Variants in NRXN1 observed in about 807,000 individuals in gnomAD.
NRXN1 encodes neurexin-1.
Under a neutral mutation model 150.9 loss-of-function variants are expected in NRXN1, and 39 were observed. The observed-to-expected ratio is 0.26, with a 90% confidence interval of 0.20 to 0.34. The LOEUF is 0.34. NRXN1 is among the 10% of genes least tolerant of loss of function. The pLI is 1.00. For missense variants in NRXN1, 1,815 were observed against 1,949.9 expected (o/e 0.93, Z 1.30); for synonymous variants, 924 against 757.0 (o/e 1.22, Z -3.62).
rs201774624 is a variant in NRXN1, at chr2:51,028,984, G to C, written c.-711C>G. The C allele has an allele frequency of 1.3e-5, 2 of 152,224 alleles. No homozygotes were observed. Among genetic ancestry groups the C allele is most frequent in the Non-Finnish European group, 2.9e-5 (2 of 68,052 alleles). The allele number at this position is 152,224 out of a possible 1,614,324, so 9.4% of individuals were successfully genotyped here. Reference sequence around the variant, plus strand: ...TTCCTTGTGCGTGGTCTCACAAGTTGGATTTTACTTCTCTTTTCAGCCACG... The same window carrying C: ...TTCCTTGTGCGTGGTCTCACAAGTTCGATTTTACTTCTCTTTTCAGCCACG... On this transcript the variant is annotated 5_prime_UTR_variant, in exon 2 of 23. Transcript: ENST00000401669.
intron 5 of NRXN1, among the ~76,000 whole-genome samples, chr2:50,677,160 T>G (rs1246919847): frequency 6.6e-6 from 1 of 152,156 alleles, no homozygotes; most frequent in Non-Finnish European, 1.5e-5. Flanking sequence ...ATCTCTGCCT[T>G]TAGAAATAGT....
intron 17 of NRXN1, among the ~76,000 whole-genome samples, chr2:50,461,230 C>G (rs1042042803): frequency 6.6e-6 from 1 of 151,920 alleles, no homozygotes; most frequent in Non-Finnish European, 1.5e-5. Context: ...AAATTCCTAT[C>G]AGAAAGATTT....
At chr2:50,084,349 G>C (rs960541413) in intron 19 of NRXN1, among the ~76,000 whole-genome samples, 2 of 152,168 alleles carry the variant, frequency 1.3e-5, no homozygotes, top group Non-Finnish European at 2.9e-5. Flanking sequence ...TCCGAGCCCT[G>C]CCCCGCAGGG....
intron 18 of NRXN1, among the ~76,000 whole-genome samples, chr2:50,169,966 G>C (rs2152799784): frequency 6.6e-6 from 1 of 151,984 alleles, no homozygotes; most frequent in Non-Finnish European, 1.5e-5. Flanking sequence ...CAAGAACTTT[G>C]ACTTTGTTCT....
intron 8 of NRXN1, among the ~76,000 whole-genome samples, chr2:50,553,250 AC>A (rs1667783654): frequency 6.6e-6 from 1 of 152,330 alleles, no homozygotes; most frequent in African/African-American, 2.4e-5. Context: ...GTGCAGATGC[AC>A]CCGCGCATGT....
chr2:51,028,251 C>T lies in NRXN1; in HGVS notation c.23G>A (p.Arg8His). 6.8e-7 allele frequency: 1 copy of T among 1,461,140 alleles called. No homozygotes were observed. Among genetic ancestry groups the T allele is most frequent in the East Asian group, 2.4e-5 (1 of 41,428 alleles). The allele number at this position is 1,461,140 out of a possible 1,614,324, so 90.5% of individuals were successfully genotyped here. The change falls in exon 2 of 23, where the codon CGC becomes CAC. Residue 8 changes from arginine to histidine, a missense_variant. This residue lies in a region of NRXN1 where 554 missense variants were observed against 478.8 expected (regional missense o/e 1.16). Coordinates refer to ENST00000401669, the MANE Select transcript of NRXN1 (RefSeq NM_001330078.2). ...GAGGCACAGAAGAAAACAGCCCCCG[C>T]GCTGGAGCAGCGCCGTCCCCATGCT... MGTALLQ[R>H]GGCFLLCLSL...
At chr2:50,424,888 TTC>T (rs1244500616) in intron 17 of NRXN1, among the ~76,000 whole-genome samples, 1 of 152,198 alleles carries the variant, frequency 6.6e-6, no homozygotes, top group African/African-American at 2.4e-5. Context: ...CATAATATTT[TTC>T]TGTTAAAAAA....
chr2:50,179,930 A>T (rs2060593060), intron 18 of NRXN1, among the ~76,000 whole-genome samples: 1 of 152,148 alleles, frequency 6.6e-6, no homozygotes, highest in African/African-American at 2.4e-5. Context: ...CACGATTTTG[A>T]TTAAGCACTG....
At chr2:50,597,038 G>T (rs969378795) in intron 8 of NRXN1, among the ~76,000 whole-genome samples, 1 of 151,748 alleles carries the variant, frequency 6.6e-6, no homozygotes, top group African/African-American at 2.4e-5. Context: ...TTTTTTGTAG[G>T]GATGGGGTTT....
At chr2:50,125,151 G>A (rs1239886884) in intron 18 of NRXN1, among the ~76,000 whole-genome samples, 1 of 152,028 alleles carries the variant, frequency 6.6e-6, no homozygotes, top group Non-Finnish European at 1.5e-5. Flanking sequence ...TCTGAACACT[G>A]AGCACAATAA....
At chr2:50,226,820 T>C (rs1384085796) in intron 18 of NRXN1, among the ~76,000 whole-genome samples, 2 of 151,984 alleles carry the variant, frequency 1.3e-5, no homozygotes, top group African/African-American at 2.4e-5. Context: ...TAATATAAAC[T>C]GGCTTCTGAT....
chr2:50,817,267 T>C (rs541192917), intron 5 of NRXN1, among the ~76,000 whole-genome samples: 3 of 152,154 alleles, frequency 2.0e-5, no homozygotes, highest in Middle Eastern at 3.4e-3. Flanking sequence ...CCAGAAAAAG[T>C]ATATAAATTC....
chr2:50,903,357 C>G (rs75813855), intron 5 of NRXN1, among the ~76,000 whole-genome samples: 1 of 152,126 alleles, frequency 6.6e-6, no homozygotes, highest in Non-Finnish European at 1.5e-5. Context: ...TGAATTCAAT[C>G]TAACTATAGG....
At chr2:50,420,747 A>G (rs2083920934) in intron 17 of NRXN1, among the ~76,000 whole-genome samples, 2 of 152,092 alleles carry the variant, frequency 1.3e-5, no homozygotes, top group African/African-American at 4.8e-5. Context: ...GATGAATCAA[A>G]GAAAAGGACT....
intron 2 of NRXN1, among the ~76,000 whole-genome samples, chr2:51,006,877 C>T (rs1700792740): frequency 6.6e-6 from 1 of 151,886 alleles, no homozygotes; most frequent in African/African-American, 2.4e-5. Context: ...CTCTAGGAAG[C>T]CTCCTCTACC....
intron 18 of NRXN1, among the ~76,000 whole-genome samples, chr2:50,195,199 A>G (rs1187128013): frequency 1.3e-5 from 2 of 152,174 alleles, no homozygotes; most frequent in Non-Finnish European, 2.9e-5. Flanking sequence ...ATATGCAGAG[A>G]ATGCAAGATT....
rs76693123 is a variant in NRXN1 at position 50,255,655 on chromosome 2, G to A, written c.3365-18685C>T. ...AAACAGAAAGGATAGAACACTCAGA[G>A]GTGAAGCAGGCTTCCAACTTAAAAA... On this transcript the variant is annotated intron_variant, in intron 17 of 22. Coordinates refer to ENST00000401669, the MANE Select transcript of NRXN1 (RefSeq NM_001330078.2). 5.6e-4 allele frequency among the ~76,000 whole-genome samples: 85 copies of A among 152,152 alleles called. No homozygotes were observed. The East Asian group carries it at 0.016, about 29-fold the overall frequency.
intron 17 of NRXN1, among the ~76,000 whole-genome samples, chr2:50,423,911 C>G (rs1341805921): frequency 6.6e-6 from 1 of 152,088 alleles, no homozygotes; most frequent in Non-Finnish European, 1.5e-5. Flanking sequence ...CCATAGGCAA[C>G]AGCAGGTCCA....
intron 21 of NRXN1, among the ~76,000 whole-genome samples, chr2:49,998,841 TTC>T (rs1553466733): frequency 6.6e-6 from 1 of 152,102 alleles, no homozygotes; most frequent in Non-Finnish European, 1.5e-5. Flanking sequence ...TCATAAATTT[TTC>T]TCTGTCTTTT....
Sources: allele counts gnomAD v4.1 joint callset (sites outside exome capture counted in the v4.1 genomes callset), GRCh38; gene constraint gnomAD v4.1.1; regional missense constraint gnomAD v4.1.1; transcripts MANE v1.5; gene names NCBI Gene and HGNC (gene_info 2026-07-23, HGNC 2026-07-21).